Variants in NAALAD2 observed in about 807,000 individuals in gnomAD.
The protein encoded by NAALAD2 is N-acetylated-alpha-linked acidic dipeptidase 2.
NAALAD2 carries 89 observed loss-of-function variants against 95.6 expected under a neutral mutation model. The ratio of observed to expected loss-of-function variants is 0.93; its 90% CI spans 0.78 to 1.11. NAALAD2 has a LOEUF of 1.11. Among genes scored for constraint, NAALAD2 ranks in the 50% least tolerant of loss-of-function variants. NAALAD2 has a pLI of 0.00. For missense variants in NAALAD2, 894 were observed against 872.4 expected, an observed-to-expected ratio of 1.02 and a Z score of -0.31; for synonymous variants, 264 against 294.4, an observed-to-expected ratio of 0.90 and a Z score of 1.06.
intron 5 of NAALAD2, 61 bp from the exon 6 acceptor site, chr11:90,152,237 T>G: frequency 7.0e-7 from 1 of 1,424,358 alleles, no homozygotes; most frequent in Non-Finnish European, 9.5e-7. Flanking sequence ...AATGTCTTTC[T>G]TATATGAATA....
At chr11:90,177,750 G>C in intron 15 of NAALAD2, 103 bp from the exon 16 acceptor site, 1 of 1,204,230 alleles carries the variant, frequency 8.3e-7, no homozygotes, top group Non-Finnish European at 1.1e-6. Flanking sequence ...ACCATGACTG[G>C]CTGGTTGTTA....
intron 18 of NAALAD2, among the ~76,000 whole-genome samples, chr11:90,186,526 C>A (rs1781688028): frequency 6.6e-6 from 1 of 151,644 alleles, no homozygotes; most frequent in South Asian, 2.1e-4. Context: ...ATTTATAGTC[C>A]TTTGGGTATA....
chr11:90,160,134 A>T (rs1483834341), intron 8 of NAALAD2, among the ~76,000 whole-genome samples: 4 of 152,172 alleles, frequency 2.6e-5, no homozygotes, highest in Non-Finnish European at 5.9e-5. Context: ...TATTACTGTT[A>T]TTAATACATG....
chr11:90,175,713 A>G (rs1351046748), intron 14 of NAALAD2, among the ~76,000 whole-genome samples: 2 of 152,164 alleles, frequency 1.3e-5, no homozygotes, highest in African/African-American at 2.4e-5. Flanking sequence ...AATTCTTGTT[A>G]TAGGTTGGTG....
At chr11:90,132,770 G>A (rs987535192), upstream of NAALAD2, among the ~76,000 whole-genome samples, 1 of 152,130 alleles carries the variant, frequency 6.6e-6, no homozygotes, top group African/African-American at 2.4e-5. Flanking sequence ...TATATTTGGT[G>A]TTGTGTGTAT....
chr11:90,169,076 C>A, intron 12 of NAALAD2, 84 bp downstream of exon 12: 2 of 872,076 alleles, frequency 2.3e-6, no homozygotes, highest in Non-Finnish European at 3.6e-6. Flanking sequence ...AGAATACCAT[C>A]TACTAAGACT....
chr11:90,169,829 T>C, intron 12 of NAALAD2: 1 of 468,730 alleles, frequency 2.1e-6, no homozygotes, highest in Non-Finnish European at 3.8e-6. Context: ...TTATAATCAC[T>C]GTGACAGCTG....
intron 2 of NAALAD2, among the ~76,000 whole-genome samples, chr11:90,143,363 G>A (rs1951670592): frequency 6.6e-6 from 1 of 152,016 alleles, no homozygotes; most frequent in South Asian, 2.1e-4. Context: ...ATAGAATTCT[G>A]GGTTGACTCC....
At chr11:90,159,889 G>C (rs1369584461) in intron 8 of NAALAD2, among the ~76,000 whole-genome samples, 1 of 116,978 alleles carries the variant, frequency 8.5e-6, no homozygotes, top group Non-Finnish European at 1.9e-5. Flanking sequence ...AGGAAGCGGA[G>C]GTTGCGGTGA....
At chr11:90,189,718 G>A (rs182367252) in intron 18 of NAALAD2, among the ~76,000 whole-genome samples, 5,913 of 151,574 alleles carry the variant, frequency 0.039, 161 homozygotes, top group Non-Finnish European at 0.057. Flanking sequence ...GCAGTGAGCC[G>A]AGATCATGCC....
Position 90,192,209 on chromosome 11 carries a change from C to A in NAALAD2, c.*462C>A, listed in dbSNP as rs534852343. On this transcript the variant is annotated 3_prime_UTR_variant, in exon 19 of 19. Transcript: ENST00000534061. ...ATGCATGTTCATTGCAACTTAAAAG[C>A]GTAAAAACCCCAAATGTCCATCCAC... The A allele has an allele frequency of 1.3e-5, 2 of 151,952 alleles. No homozygotes were observed. The highest frequency in any genetic ancestry group is 4.8e-5 in the African/African-American group (2 of 41,414). The allele number at this position is 151,952 out of a possible 1,614,324, so 9.4% of individuals were successfully genotyped here.
At chr11:90,168,053 C>T (rs1952527174) in intron 11 of NAALAD2, among the ~76,000 whole-genome samples, 1 of 152,158 alleles carries the variant, frequency 6.6e-6, no homozygotes, top group Non-Finnish European at 1.5e-5. Flanking sequence ...GTCCACACTG[C>T]CTTTATGAGC....
chr11:90,146,217 C>T (rs1399535209), intron 2 of NAALAD2, among the ~76,000 whole-genome samples: 2 of 149,722 alleles, frequency 1.3e-5, no homozygotes, highest in Non-Finnish European at 1.5e-5. Flanking sequence ...TGTCATACAA[C>T]AGGTTTTCAA....
intron 4 of NAALAD2, 69 bp from the exon 5 acceptor site, chr11:90,150,413 C>T: frequency 9.0e-7 from 1 of 1,105,708 alleles, no homozygotes; most frequent in Non-Finnish European, 1.2e-6. Flanking sequence ...TATTGTGAAG[C>T]AAACTTATTT....
chr11:90,142,160 A>T (rs1444999165), intron 2 of NAALAD2, among the ~76,000 whole-genome samples: 1 of 152,068 alleles, frequency 6.6e-6, no homozygotes, highest in Non-Finnish European at 1.5e-5. Flanking sequence ...AATTAATATG[A>T]TCATATGATT....
rs747137663 is a variant in NAALAD2, at chr11:90,158,218, T to C, written c.870T>C (p.Asn290=). The C allele has an allele frequency of 2.5e-5, 41 of 1,608,024 alleles. No individual in the cohort carries two copies. Among genetic ancestry groups the C allele is most frequent in the Non-Finnish European group, 3.5e-5 (41 of 1,175,272 alleles). ...PRIPVHPIGY[N]DAEILLRYLG... is the part of the protein sequence containing the mutation. ...TACCTGTACATCCCATTGGATATAA[T>C]GATGCAGAAATATTATTACGGTATA... is the stretch of plus-strand genomic sequence containing the variant. The change falls in exon 7 of 19, where the codon AAT becomes AAC. Residue 290 remains asparagine, a synonymous_variant. Coordinates refer to ENST00000534061, the MANE Select transcript of NAALAD2 (RefSeq NM_005467.4).
chr11:90,191,803 C>A lies in NAALAD2; in HGVS notation c.*56C>A. ...TTGCTAAAAGTCTGAGGATAAAATT[C>A]ACCTTTCTGATAACTTATGAAGCCA... is the stretch of plus-strand genomic sequence containing the variant. On this transcript the variant is annotated 3_prime_UTR_variant, in exon 19 of 19. Transcript: ENST00000534061. The A allele has an allele frequency of 7.5e-7, 1 of 1,338,152 alleles. No individual in the cohort carries two copies. 82.9% of individuals were successfully genotyped at this position (1,338,152 alleles called of 1,614,324 possible). A position where few individuals can be genotyped will look rare whatever the true frequency, so the allele number is the denominator to read the frequency against.
chr11:90,167,238 C>T (rs1245008502), intron 11 of NAALAD2, among the ~76,000 whole-genome samples: 1 of 152,140 alleles, frequency 6.6e-6, no homozygotes, highest in African/African-American at 2.4e-5. Flanking sequence ...TGCGGCCCAG[C>T]GAGAGTTCCG....
At chr11:90,150,848 A>G (rs1228720309) in intron 5 of NAALAD2, among the ~76,000 whole-genome samples, 1 of 152,020 alleles carries the variant, frequency 6.6e-6, no homozygotes, top group Non-Finnish European at 1.5e-5. Context: ...AATTTAATTG[A>G]AGGAAATTTA....
Sources: allele counts gnomAD v4.1 joint callset (sites outside exome capture counted in the v4.1 genomes callset), GRCh38; gene constraint gnomAD v4.1.1; transcripts MANE v1.5; gene names NCBI Gene and HGNC (gene_info 2026-07-23, HGNC 2026-07-21).